Variants in CHST9 observed in about 807,000 individuals in gnomAD.
CHST9 encodes GalNAc-4-sulfotransferase 2.
CHST9 carries 41 observed loss-of-function variants against 44.4 expected under a neutral mutation model. That is an observed-to-expected ratio of 0.92 (90% CI 0.72 to 1.20). The LOEUF is 1.20. CHST9 is among the 50% of genes most tolerant of loss of function. The pLI, the probability that CHST9 is intolerant of heterozygous loss-of-function variation, is 0.00. For synonymous variants in CHST9, 171 were observed against 178.4 expected (o/e 0.96, Z 0.33); for missense variants, 504 against 516.5 (o/e 0.98, Z 0.23).
At chr18:26,956,441 AATAAT>A (rs2056326352) in intron 4 of CHST9, among the ~76,000 whole-genome samples, 1 of 147,628 alleles carries the variant, frequency 6.8e-6, no homozygotes, top group Non-Finnish European at 1.5e-5. Flanking sequence ...GGACCACAAA[AATAAT>A]ATAATTGTGT....
intron 2 of CHST9, among the ~76,000 whole-genome samples, chr18:27,091,274 G>A (rs2058066189): frequency 6.6e-6 from 1 of 152,162 alleles, no homozygotes; most frequent in South Asian, 2.1e-4. Flanking sequence ...AGGAATGCTT[G>A]TAATTTTTGC....
At chr18:27,002,176 C>G (rs932553541) in intron 4 of CHST9, among the ~76,000 whole-genome samples, 2 of 152,050 alleles carry the variant, frequency 1.3e-5, no homozygotes, top group Non-Finnish European at 2.9e-5. Context: ...CCCCCATTCA[C>G]CCTGCAGTGC....
At chr18:27,175,863 T>G (rs1410067043) in intron 1 of CHST9, among the ~76,000 whole-genome samples, 1 of 152,082 alleles carries the variant, frequency 6.6e-6, no homozygotes, top group Non-Finnish European at 1.5e-5. Flanking sequence ...AAATGTGAAT[T>G]TGCAACTCTT....
chr18:27,087,587 A>G (rs928224591), intron 2 of CHST9, among the ~76,000 whole-genome samples: 4 of 152,226 alleles, frequency 2.6e-5, no homozygotes, highest in African/African-American at 9.6e-5. Flanking sequence ...AATTTGTAAC[A>G]ATTGAAATAC....
intron 4 of CHST9, among the ~76,000 whole-genome samples, chr18:27,000,818 C>A (rs927884064): frequency 1.3e-5 from 2 of 152,150 alleles, no homozygotes; most frequent in Non-Finnish European, 2.9e-5. Flanking sequence ...TACCACATCC[C>A]TGGAGGGATC....
In CHST9 at chr18:26,917,217, G is replaced by T; in HGVS notation, c.374C>A (p.Thr125Lys). ...QGGDQALSKS[T>K]GSPTEKLIEK... ...AATCAACTTCTCTGTTGGTGACCCT[G>T]TGGACTTACTTAAAGCTTGATCCCC... The change falls in exon 6 of 6, where the codon ACA (threonine) becomes AAA (lysine). Residue 125 changes from threonine (T) to lysine (K), a missense_variant. Transcript: ENST00000618847. The T allele has an allele frequency of 2.5e-6, 4 of 1,613,926 alleles. No individual in the cohort carries two copies. Among genetic ancestry groups the T allele is most frequent in the Non-Finnish European group, 3.4e-6 (4 of 1,179,844 alleles).
intron 4 of CHST9, among the ~76,000 whole-genome samples, chr18:26,997,861 G>A (rs2056904002): frequency 6.6e-6 from 1 of 152,156 alleles, no homozygotes; most frequent in Non-Finnish European, 1.5e-5. Context: ...TCTAGTCAGG[G>A]CCTGCATAGG....
intron 2 of CHST9, among the ~76,000 whole-genome samples, chr18:27,118,777 G>C (rs1265896591): frequency 6.6e-6 from 1 of 152,156 alleles, no homozygotes; most frequent in Non-Finnish European, 1.5e-5. Context: ...CACTGGTGAG[G>C]TCAGTTCTTC....
At chr18:27,177,686 C>A (rs1242039655) in intron 1 of CHST9, among the ~76,000 whole-genome samples, 1 of 151,814 alleles carries the variant, frequency 6.6e-6, no homozygotes, top group Non-Finnish European at 1.5e-5. Flanking sequence ...TTATAGAGTT[C>A]AGTTTAGGGT....
chr18:26,949,461 C>T (rs2056213517), intron 4 of CHST9, among the ~76,000 whole-genome samples: 1 of 151,634 alleles, frequency 6.6e-6, no homozygotes, highest in Admixed American at 6.6e-5. Context: ...GGGAGGATTG[C>T]TTGAGCCCTT....
At chr18:27,161,443 A>C (rs1314516393) in intron 1 of CHST9, among the ~76,000 whole-genome samples, 1 of 152,098 alleles carries the variant, frequency 6.6e-6, no homozygotes. Context: ...CTGGATCCTG[A>C]GTTCTAGTTT....
chr18:26,916,531 T>A lies in CHST9; in HGVS notation c.1060A>T (p.Ser354Cys), dbSNP rs200393307. 2.2e-4 allele frequency: 356 copies of A among 1,613,798 alleles called. No individual in the cohort carries two copies. Among genetic ancestry groups the A allele is most frequent in the Non-Finnish European group, 2.8e-4 (327 of 1,179,810 alleles). Residue 354 changes from serine (S) to cysteine (C), a missense_variant, in exon 6 of 6, where the codon AGC becomes TGC. Coordinates refer to ENST00000618847, the MANE Select transcript of CHST9 (RefSeq NM_031422.6). ...VGMDIHWEKV[S>C]KLCYPCLINY... The stretch of plus-strand genomic sequence containing the variant: ...ATCAAACACGGATAGCAGAGTTTGC[T>A]GACCTTTTCCCAGTGAATGTCCATT...
intron 4 of CHST9, among the ~76,000 whole-genome samples, chr18:26,948,136 C>T (rs1193575327): frequency 2.0e-5 from 3 of 152,284 alleles, no homozygotes; most frequent in Admixed American, 6.5e-5. Context: ...TCTCAGCAAA[C>T]TAACACAGGA....
At chr18:27,131,968 T>C (rs2058475603) in intron 2 of CHST9, among the ~76,000 whole-genome samples, 1 of 152,210 alleles carries the variant, frequency 6.6e-6, no homozygotes, top group South Asian at 2.1e-4. Flanking sequence ...AACCAATGTA[T>C]ACCTTTCATG....
chr18:27,112,572 A>G (rs184615750), intron 2 of CHST9, among the ~76,000 whole-genome samples: 18 of 127,790 alleles, frequency 1.4e-4, no homozygotes, highest in South Asian at 8.8e-4. Flanking sequence ...GATTAGGGAT[A>G]TTCAACGTGT....
Position 27,050,272 on chromosome 18 carries a change from T to A in CHST9, c.122-1769A>T, listed in dbSNP as rs144673634. 2.9e-3 allele frequency among the ~76,000 whole-genome samples: 434 copies of A among 152,264 alleles called. 2 individuals are homozygous for A. Among genetic ancestry groups the A allele is most frequent in the African/African-American group, 0.01 (417 of 41,556 alleles). On this transcript the variant is annotated intron_variant, in intron 2 of 5. Transcript: ENST00000618847. ...AAGCCAACTAAAGGTTTTTGCTAAGTTATGGAAATCCTAAGCATGCTTATA... is the reference window on the plus strand; with the variant it reads ...AAGCCAACTAAAGGTTTTTGCTAAGATATGGAAATCCTAAGCATGCTTATA...
intron 2 of CHST9, among the ~76,000 whole-genome samples, chr18:27,072,309 C>T (rs1374751844): frequency 1.3e-5 from 2 of 152,122 alleles, no homozygotes; most frequent in Admixed American, 1.3e-4. Flanking sequence ...TTCCTTCTGG[C>T]ATAATTGTTG....
At chr18:27,085,662 T>A (rs893573761) in intron 2 of CHST9, among the ~76,000 whole-genome samples, 1 of 152,144 alleles carries the variant, frequency 6.6e-6, no homozygotes, top group Non-Finnish European at 1.5e-5. Context: ...CATTTATACA[T>A]TCCTGGTAGG....
At chr18:26,934,056 G>A (rs1488733871) in intron 5 of CHST9, among the ~76,000 whole-genome samples, 1 of 152,110 alleles carries the variant, frequency 6.6e-6, no homozygotes, top group Non-Finnish European at 1.5e-5. Context: ...AAGGACAGAG[G>A]GCAAGGCTGT....
Sources: allele counts gnomAD v4.1 joint callset (sites outside exome capture counted in the v4.1 genomes callset), GRCh38; gene constraint gnomAD v4.1.1; transcripts MANE v1.5; gene names NCBI Gene and HGNC (gene_info 2026-07-23, HGNC 2026-07-21).